TMA16: variants seen among roughly 807,000 people sequenced by gnomAD.
The protein encoded by TMA16 is translation machinery associated 16 homolog, also known as translation machinery-associated protein 16.
Under a neutral mutation model 27.1 loss-of-function variants are expected in TMA16, and 26 were observed. The observed-to-expected ratio is 0.96, with a 90% CI of 0.70 to 1.33. The LOEUF (loss-of-function observed/expected upper bound fraction) is 1.33. TMA16 is among the 40% of genes most tolerant of loss of function. TMA16 has a pLI of 0.00. For missense variants in TMA16, 233 were observed against 241.4 expected (o/e 0.97, Z 0.23); for synonymous variants, 71 against 81.9 (o/e 0.87, Z 0.72).
intron 2 of TMA16, among the ~76,000 whole-genome samples, chr4:163,510,024 T>C (rs1478140124): frequency 1.3e-5 from 2 of 152,228 alleles, no homozygotes; most frequent in Non-Finnish European, 2.9e-5. Flanking sequence ...ATGCAAGTAC[T>C]GTTTTAAATA....
rs916928236 is a variant in TMA16 at position 163,512,915 on chromosome 4, A to G, written c.154+56A>G. The G allele has an allele frequency of 5.9e-6, 8 of 1,367,430 alleles. No homozygotes were observed. The Admixed American group carries it at 8.5e-5, about 14-fold the overall frequency. 84.7% of individuals were successfully genotyped at this position (1,367,430 alleles called of 1,614,324 possible). On this transcript the variant is annotated intron_variant, in intron 3 of 6. Transcript: ENST00000358572. ...CTAGAGTATAGGGCATTTCTGCCCT[A>G]TACTTGTTTTTCTTTTTACTCTTTT...
intron 3 of TMA16, 70 bp from the exon 4 acceptor site, chr4:163,514,004 T>C: frequency 8.3e-7 from 1 of 1,206,340 alleles, no homozygotes; most frequent in Admixed American, 2.5e-5. Context: ...ATGTTGAAAA[T>C]GATAATGAAT....
intron 1 of TMA16, among the ~76,000 whole-genome samples, chr4:163,495,791 G>T (rs1178014654): frequency 6.6e-6 from 1 of 151,304 alleles, no homozygotes; most frequent in Non-Finnish European, 1.5e-5. Context: ...TCGTTGTTTC[G>T]CGAGTTTTTT....
intron 3 of TMA16, among the ~76,000 whole-genome samples, chr4:163,513,727 T>A (rs1737830796): frequency 6.6e-6 from 1 of 152,216 alleles, no homozygotes; most frequent in Admixed American, 6.5e-5. Flanking sequence ...TCATCATTAA[T>A]GGAGTTTTCA....
chr4:163,498,364 T>C (rs1737593783), intron 1 of TMA16, among the ~76,000 whole-genome samples: 1 of 150,402 alleles, frequency 6.6e-6, no homozygotes, highest in East Asian at 2.0e-4. Flanking sequence ...CTCGGCTCAC[T>C]GCAAGCTCTG....
rs1203344274 is a variant in TMA16, at chr4:163,520,500, C to T, written c.*986C>T. 6.6e-6 allele frequency: 1 copy of T among 151,210 alleles called. No homozygotes were observed. Among genetic ancestry groups the T allele is most frequent in the Non-Finnish European group, 1.5e-5 (1 of 67,878 alleles). 9.4% of individuals were successfully genotyped at this position (151,210 alleles called of 1,614,324 possible). On this transcript the variant is annotated 3_prime_UTR_variant, in exon 7 of 7. Transcript: ENST00000358572. ...AGTTAAAGTATTATAACTTTTTTTACTTCTGAAAATTAAAAATAAAATTTA... is the reference window on the plus strand; with the variant it reads ...AGTTAAAGTATTATAACTTTTTTTATTTCTGAAAATTAAAAATAAAATTTA...
At chr4:163,501,307 A>C (rs1484299896) in intron 1 of TMA16, among the ~76,000 whole-genome samples, 2 of 152,164 alleles carry the variant, frequency 1.3e-5, no homozygotes, top group Admixed American at 1.3e-4. Context: ...AGATGAGTTT[A>C]AACCACGCTA....
chr4:163,507,259 AGTGTGTTCT>A, intron 2 of TMA16, 114 bp downstream of exon 2: 1 of 966,906 alleles, frequency 1.0e-6, no homozygotes, highest in Non-Finnish European at 1.5e-6. Context: ...ATATTTATTA[AGTGTGTTCT>A]GTATGCAGAG....
At chr4:163,517,970 GGT>G (rs1491475026) in intron 6 of TMA16, among the ~76,000 whole-genome samples, 2 of 121,556 alleles carry the variant, frequency 1.6e-5, no homozygotes, top group Non-Finnish European at 3.8e-5. Flanking sequence ...CGATTTTTTA[GGT>G]TTTTTTTTTT....
At chr4:163,515,850 C>T (rs547013234) in intron 5 of TMA16, 1 of 161,200 alleles carries the variant, frequency 6.2e-6, no homozygotes, top group South Asian at 1.7e-4. Flanking sequence ...GCCAGCTTTT[C>T]TCCTAAAACT....
intron 1 of TMA16, among the ~76,000 whole-genome samples, chr4:163,505,082 G>C (rs571300609): frequency 3.3e-5 from 5 of 152,250 alleles, no homozygotes; most frequent in Non-Finnish European, 7.4e-5. Context: ...AAAGTGAGTC[G>C]GTAGGTCCAG....
At chr4:163,516,034 C>T in intron 5 of TMA16, 1 of 153,820 alleles carries the variant, frequency 6.5e-6, no homozygotes, top group Non-Finnish European at 1.4e-5. Context: ...TGGTTCAGGC[C>T]ACTATCGTCT....
intron 4 of TMA16, 69 bp downstream of exon 4, chr4:163,514,227 C>A: frequency 1.6e-6 from 2 of 1,257,086 alleles, no homozygotes; most frequent in South Asian, 1.5e-5. Flanking sequence ...CTTTAAGACA[C>A]AGAGCTCTGT....
chr4:163,512,002 G>A (rs921442616), intron 2 of TMA16, among the ~76,000 whole-genome samples: 2 of 151,168 alleles, frequency 1.3e-5, no homozygotes, highest in African/African-American at 4.9e-5. Flanking sequence ...TACCATTCCC[G>A]TAGTCCCTAT....
chr4:163,498,356 C>G (rs1039172332), intron 1 of TMA16, among the ~76,000 whole-genome samples: 4 of 147,326 alleles, frequency 2.7e-5, no homozygotes, highest in African/African-American at 1.0e-4. Context: ...GGCGTGATCT[C>G]GGCTCACTGC....
At chr4:163,517,587 T>C in intron 6 of TMA16, 111 bp downstream of exon 6, 1 of 1,028,436 alleles carries the variant, frequency 9.7e-7, no homozygotes, top group Non-Finnish European at 1.4e-6. Context: ...CGGGTTTCTT[T>C]TAACCTTTTC....
At chr4:163,512,887 T>G in intron 3 of TMA16, 28 bp downstream of exon 3, 1 of 1,591,958 alleles carries the variant, frequency 6.3e-7, no homozygotes, top group East Asian at 2.2e-5. Context: ...TTTGAAACTC[T>G]GGCTAGAGTA....
intron 3 of TMA16, 88 bp downstream of exon 3, chr4:163,512,947 A>C (rs1345818916): frequency 1.7e-5 from 17 of 971,842 alleles, no homozygotes; most frequent in African/African-American, 6.6e-5. Context: ...TTTTAGTGAA[A>C]TACTGTTTTT....
intron 1 of TMA16, among the ~76,000 whole-genome samples, chr4:163,504,367 C>T (rs1006123547): frequency 1.3e-5 from 2 of 152,276 alleles, no homozygotes; most frequent in African/African-American, 4.8e-5. Context: ...TATGATCTCT[C>T]CCTTTCTTTG....
Sources: allele counts gnomAD v4.1 joint callset (sites outside exome capture counted in the v4.1 genomes callset), GRCh38; gene constraint gnomAD v4.1.1; transcripts MANE v1.5; gene names NCBI Gene and HGNC (gene_info 2026-07-23, HGNC 2026-07-21).